Variants in WDR43 observed in about 807,000 individuals in gnomAD.
The protein encoded by WDR43 is WD repeat-containing protein 43.
WDR43 carries 13 observed loss-of-function variants against 91.4 expected under a neutral mutation model. The ratio of observed to expected loss-of-function variants is 0.14; its 90% CI spans 0.09 to 0.23. The LOEUF is 0.23. Among genes scored for constraint, WDR43 ranks in the 10% least tolerant of loss-of-function variants. WDR43 has a pLI of 1.00. For synonymous variants in WDR43, 331 were observed against 287.9 expected, an observed-to-expected ratio of 1.15 and a Z score of -1.51; for missense variants, 780 against 809.4, an observed-to-expected ratio of 0.96 and a Z score of 0.44.
chr2:28,948,087 T>C lies in WDR43; in HGVS notation c.*1308T>C, dbSNP rs1368974648. The C allele has an allele frequency of 6.6e-6, 1 of 152,184 alleles. No individual in the cohort carries two copies. The highest frequency in any genetic ancestry group is 6.5e-5 in the Admixed American group (1 of 15,278). The allele number at this position is 152,184 out of a possible 1,614,324, so 9.4% of individuals were successfully genotyped here. On this transcript the variant is annotated 3_prime_UTR_variant, in exon 18 of 18. Coordinates refer to ENST00000407426, the MANE Select transcript of WDR43 (RefSeq NM_015131.3). ...GCTCATCTTAAGAGCCAGAGCCATA[T>C]AAGCATCTTGGGAAAGCAAGTTTGA... is the stretch of plus-strand genomic sequence containing the variant.
At chr2:28,934,077 T>G (rs976492630) in intron 11 of WDR43, among the ~76,000 whole-genome samples, 8 of 152,224 alleles carry the variant, frequency 5.3e-5, no homozygotes, top group African/African-American at 1.9e-4. Context: ...ACATATGTCC[T>G]TTAACAGGTG....
intron 16 of WDR43, 137 bp downstream of exon 16, chr2:28,942,518 G>C (rs866170615): frequency 1.1e-6 from 1 of 887,680 alleles, no homozygotes; most frequent in Admixed American, 2.7e-5. Flanking sequence ...AGGCAAGTCC[G>C]TGGCAAAAAT....
In WDR43 at chr2:28,894,757, C is replaced by T; in HGVS notation, c.59C>T (p.Ala20Val). 1.2e-6 allele frequency: 2 copies of T among 1,600,654 alleles called. No individual in the cohort carries two copies. The highest frequency in any genetic ancestry group is 1.7e-6 in the Non-Finnish European group (2 of 1,174,136). Residue 20 changes from alanine to valine, a missense_variant, in exon 1 of 18, where the codon GCC becomes GTC. By Grantham distance (64) the Ala-to-Val change is moderately conservative. Around this residue, in one of 4 missense-constraint regions of WDR43, gnomAD observed 175 missense variants for 113.8 expected, o/e 1.54. Coordinates refer to ENST00000407426, the MANE Select transcript of WDR43 (RefSeq NM_015131.3). ...DPLAPAGVPC[A>V]FSPHSQAYFA... ...CTGGCCCCTGCTGGGGTCCCTTGCG[C>T]CTTCTCCCCGCACAGCCAGGCCTAC...
chr2:28,937,822 A>G, intron 13 of WDR43, 109 bp from the exon 14 acceptor site: 1 of 1,014,504 alleles, frequency 9.9e-7, no homozygotes, highest in East Asian at 2.6e-5. Context: ...AGTCATTTTC[A>G]CAGAGCAACA....
intron 2 of WDR43, among the ~76,000 whole-genome samples, chr2:28,902,339 T>C (rs1054332357): frequency 7.9e-5 from 12 of 152,174 alleles, no homozygotes; most frequent in African/African-American, 2.9e-4. Context: ...TGAAGACTTA[T>C]TGACTAGGTT....
intron 13 of WDR43, 53 bp downstream of exon 13, chr2:28,937,006 A>C: frequency 6.6e-7 from 1 of 1,514,414 alleles, no homozygotes; most frequent in East Asian, 2.5e-5. Context: ...CATGAAATTA[A>C]ATATTAGGTG....
chr2:28,937,042 C>T, intron 13 of WDR43, 89 bp downstream of exon 13: 1 of 1,290,284 alleles, frequency 7.8e-7, no homozygotes, highest in East Asian at 2.6e-5. Flanking sequence ...TAATAAAACT[C>T]TTTCAGTGTC....
At chr2:28,919,266 T>A (rs1193863216) in intron 6 of WDR43, among the ~76,000 whole-genome samples, 3 of 149,448 alleles carry the variant, frequency 2.0e-5, no homozygotes, top group Non-Finnish European at 4.5e-5. Context: ...AGTAAATAAG[T>A]AAATAAATAC....
At chr2:28,927,783 A>C (rs574677376) in intron 10 of WDR43, 83 bp downstream of exon 10, 45 of 1,555,924 alleles carry the variant, frequency 2.9e-5, no homozygotes, top group Non-Finnish European at 3.9e-5. Context: ...GGATAGAGCC[A>C]AAGTTAAATC....
rs761920859 is a variant in WDR43, at chr2:28,936,916, C to T, written c.1525-6C>T. On this transcript the variant is annotated splice_polypyrimidine_tract_variant and splice_region_variant and intron_variant, in intron 12 of 17. Coordinates refer to ENST00000407426, the MANE Select transcript of WDR43 (RefSeq NM_015131.3). ...CTGTTGTTAATAGTGTTTTTCTCTCCCTTAGCTTACAAAGAGGTTACAAGG... is the reference window on the plus strand; with the variant it reads ...CTGTTGTTAATAGTGTTTTTCTCTCTCTTAGCTTACAAAGAGGTTACAAGG... The T allele has an allele frequency of 2.5e-6, 4 of 1,570,628 alleles. No homozygotes were observed. The highest frequency in any genetic ancestry group is 1.3e-5 in the African/African-American group (1 of 74,100).
chr2:28,901,585 A>G (rs1670578240), intron 1 of WDR43, among the ~76,000 whole-genome samples: 1 of 152,180 alleles, frequency 6.6e-6, no homozygotes, highest in African/African-American at 2.4e-5. Context: ...CTGCTTAGAT[A>G]TGGACTTACG....
chr2:28,920,003 C>T (rs1048902020), intron 6 of WDR43, among the ~76,000 whole-genome samples: 1 of 151,654 alleles, frequency 6.6e-6, no homozygotes, highest in African/African-American at 2.4e-5. Context: ...CCATGCCTGG[C>T]GAATTTTTGT....
intron 3 of WDR43, 118 bp downstream of exon 3, chr2:28,906,699 C>A: frequency 1.6e-6 from 2 of 1,266,628 alleles, no homozygotes; most frequent in South Asian, 1.8e-5. Flanking sequence ...TTAATCAAAT[C>A]GAGCATGCAA....
In WDR43 at chr2:28,894,878, T is replaced by C; in HGVS notation, c.180T>C (p.Gly60=). The C allele has an allele frequency of 6.2e-7, 1 of 1,608,006 alleles. No individual in the cohort carries two copies. The highest frequency in any genetic ancestry group is 8.5e-7 in the Non-Finnish European group (1 of 1,177,564). ...ACGTGCCTTCCGCGCACCTCAGTGG[T>C]ACCTGCACCTGTCTGGCCTGGGCGC... is the stretch of plus-strand genomic sequence containing the variant. ...QEYVPSAHLS[G]TCTCLAWAPA... The change falls in exon 1 of 18, where the codon GGT becomes GGC. Residue 60 remains glycine (G), a synonymous_variant. Transcript: ENST00000407426.
rs565553052 is a variant in WDR43 at position 28,896,708 on chromosome 2, C to A, written c.225+1785C>A. Among the ~76,000 whole-genome samples the A allele has an allele frequency of 2.0e-5, 3 of 152,238 alleles. No individual in the cohort carries two copies. In the South Asian group the frequency reaches 6.2e-4, roughly 32 times the overall value. On this transcript the variant is annotated intron_variant, in intron 1 of 17. Coordinates refer to ENST00000407426, the MANE Select transcript of WDR43 (RefSeq NM_015131.3). ...GTATGCCCAAGAGAAATTTCCTAAT[C>A]TCATATTAAAAGTCATAGTTTTGGA...
intron 15 of WDR43, 63 bp downstream of exon 15, chr2:28,941,637 A>C: frequency 3.2e-6 from 4 of 1,269,508 alleles, no homozygotes; most frequent in Non-Finnish European, 4.5e-6. Flanking sequence ...AGAGAGGAAT[A>C]AGGATCATTT....
chr2:28,921,357 A>T (rs896066503), intron 6 of WDR43, among the ~76,000 whole-genome samples: 1 of 151,342 alleles, frequency 6.6e-6, no homozygotes, highest in Non-Finnish European at 1.5e-5. Context: ...TGATCTCTTG[A>T]CCTTGTGATC....
chr2:28,919,803 T>G (rs768962093), intron 6 of WDR43, among the ~76,000 whole-genome samples: 7 of 152,352 alleles, frequency 4.6e-5, no homozygotes, highest in Admixed American at 2.6e-4. Flanking sequence ...AGGGAACTGA[T>G]GAGAAACATT....
intron 11 of WDR43, among the ~76,000 whole-genome samples, chr2:28,934,458 T>C (rs536331500): frequency 7.2e-4 from 110 of 152,292 alleles, no homozygotes; most frequent in African/African-American, 2.6e-3. Flanking sequence ...AAAAGAAAAA[T>C]CTTGTCTTCA....
Sources: gnomAD v4.1 joint callset for allele counts (sites outside exome capture counted in the v4.1 genomes callset) on GRCh38, gnomAD v4.1.1 for gene constraint, gnomAD v4.1.1 regional missense constraint, MANE v1.5 for transcripts, NCBI Gene and HGNC (gene_info 2026-07-23, HGNC 2026-07-21) for gene names.